COL6A5: variants seen among roughly 807,000 people sequenced by gnomAD.
The protein encoded by COL6A5 is collagen type VI alpha 5 chain.
COL6A5 carries 48 observed loss-of-function variants against 65.6 expected under a neutral mutation model. The observed-to-expected ratio is 0.73, with a 90% CI of 0.58 to 0.93. The LOEUF (loss-of-function observed/expected upper bound fraction) is 0.93, where lower values mean the gene tolerates loss of function less well. COL6A5 is among the 40% of genes least tolerant of loss of function. The pLI is 0.00. For missense variants in COL6A5, 914 were observed against 928.3 expected (o/e 0.98, Z 0.20); for synonymous variants, 291 against 322.8 (o/e 0.90, Z 1.05).
intron 1 of COL6A5, among the ~76,000 whole-genome samples, chr3:130,361,907 T>C (rs1364175291): frequency 6.6e-6 from 1 of 152,106 alleles, no homozygotes; most frequent in African/African-American, 2.4e-5. Context: ...TATTTTGTTT[T>C]CTTATTGTTG....
intron 8 of COL6A5, among the ~76,000 whole-genome samples, chr3:130,396,789 C>T (rs1315984501): frequency 6.6e-6 from 1 of 152,228 alleles, no homozygotes; most frequent in Non-Finnish European, 1.5e-5. Context: ...ATCTACCTGC[C>T]TTTGCAGCCA....
intron 4 of COL6A5, among the ~76,000 whole-genome samples, chr3:130,452,836 A>G (rs147692939): frequency 0.025 from 3,867 of 152,254 alleles, 181 homozygotes; most frequent in African/African-American, 0.086. Context: ...GAATACGGCC[A>G]CACCCAAGGG....
exon 3 of COL6A5, chr3:130,376,424 C>T: frequency 1.9e-6 from 3 of 1,613,122 alleles, no homozygotes; most frequent in Non-Finnish European, 2.5e-6. Context: ...TCCATCTGAG[C>T]ACCTTCAAAG....
exon 1 of COL6A5, chr3:130,345,734 G>T (rs1934437135): frequency 7.5e-6 from 3 of 398,626 alleles, no homozygotes; most frequent in Non-Finnish European, 1.3e-5. Flanking sequence ...CAAGGGCACG[G>T]GTCAGCGCCG....
At chr3:130,476,801 C>A (rs976011349) in intron 7 of COL6A5, 10 of 599,598 alleles carry the variant, frequency 1.7e-5, no homozygotes, top group Non-Finnish European at 3.1e-5. Flanking sequence ...TTATTTTCTC[C>A]AAAAGTTTTC....
At position 130,391,160 on chromosome 3, in the gene COL6A5, T is replaced by C. The variant is rs144166398; in HGVS notation, c.2417-19T>C. 2 of 1,530,600 alleles carry C rather than the reference T, an allele frequency of 1.3e-6. No individual in the cohort carries two copies. Among genetic ancestry groups the C allele is most frequent in the African/African-American group, 1.4e-5 (1 of 72,656 alleles). The allele number at this position is 1,530,600 out of a possible 1,614,324, so 94.8% of individuals were successfully genotyped here. Reference sequence around the variant, plus strand: ...TGCACTGCAGAAAGTTTGTGACTCCTGTTTTCATCTTCTTTCAGATTGTAA... The same window carrying C: ...TGCACTGCAGAAAGTTTGTGACTCCCGTTTTCATCTTCTTTCAGATTGTAA... On this transcript the variant is annotated intron_variant and NMD_transcript_variant, in intron 6 of 41. Transcript: ENST00000312481.
exon 7 of COL6A5, chr3:130,391,383 G>A (rs2107653382): frequency 6.4e-7 from 1 of 1,551,680 alleles, no homozygotes; most frequent in African/African-American, 1.4e-5. Flanking sequence ...TACTCGAACA[G>A]ATCAGCAATA....
chr3:130,406,618 T>A (rs1937002950), intron 17 of COL6A5, among the ~76,000 whole-genome samples: 1 of 152,178 alleles, frequency 6.6e-6, no homozygotes, highest in African/African-American at 2.4e-5. Flanking sequence ...GTTCATTTGT[T>A]TTTTACCACA....
At chr3:130,463,161 A>G (rs1464654480) in intron 5 of COL6A5, among the ~76,000 whole-genome samples, 1 of 152,144 alleles carries the variant, frequency 6.6e-6, no homozygotes, top group Non-Finnish European at 1.5e-5. Flanking sequence ...GCCAAAAGAA[A>G]GTACTGCTAA....
chr3:130,468,676 G>T, intron 5 of COL6A5, 119 bp from the exon 38 acceptor site: 1 of 686,944 alleles, frequency 1.5e-6, no homozygotes, highest in South Asian at 1.9e-5. Context: ...ATTGATGTCT[G>T]CCATGAGTAT....
chr3:130,460,674 T>G (rs1214278133), intron 5 of COL6A5, among the ~76,000 whole-genome samples: 1 of 151,810 alleles, frequency 6.6e-6, no homozygotes, highest in Non-Finnish European at 1.5e-5. Context: ...ATGGTAGTAG[T>G]GAAGATGATG....
exon 10 of COL6A5, chr3:130,398,044 T>C: frequency 6.4e-7 from 1 of 1,551,434 alleles, no homozygotes; most frequent in South Asian, 1.2e-5. Flanking sequence ...TGCTTATTTT[T>C]TCAGACGGTC....
At chr3:130,402,722 A>G (rs1371381045) in intron 12 of COL6A5, among the ~76,000 whole-genome samples, 1 of 152,212 alleles carries the variant, frequency 6.6e-6, no homozygotes, top group Non-Finnish European at 1.5e-5. Flanking sequence ...CTTGACCTGC[A>G]TGGTGGCTAC....
At chr3:130,370,204 T>G (rs1013605555) in intron 1 of COL6A5, among the ~76,000 whole-genome samples, 2 of 152,220 alleles carry the variant, frequency 1.3e-5, no homozygotes, top group South Asian at 4.1e-4. Flanking sequence ...ACCCCTACTA[T>G]TATATCTTAG....
chr3:130,458,810 C>T (rs1325912510), intron 5 of COL6A5, among the ~76,000 whole-genome samples: 1 of 152,164 alleles, frequency 6.6e-6, no homozygotes, highest in Non-Finnish European at 1.5e-5. Flanking sequence ...GAGATACTAA[C>T]AGGCTTTTTG....
chr3:130,456,687 A>G (rs145112054), intron 5 of COL6A5, among the ~76,000 whole-genome samples: 1,950 of 152,218 alleles, frequency 0.013, 51 homozygotes, highest in African/African-American at 0.044. Context: ...GGAATCTTCT[A>G]AAATGCTTGT....
At chr3:130,428,289 C>T (rs2107691042), upstream of COL6A5, among the ~76,000 whole-genome samples, 1 of 152,262 alleles carries the variant, frequency 6.6e-6, no homozygotes, top group South Asian at 2.1e-4. Context: ...AATGGCCTCA[C>T]TTAATAGCTG....
At chr3:130,371,216 A>G (rs1483105062) in intron 1 of COL6A5, among the ~76,000 whole-genome samples, 1 of 152,210 alleles carries the variant, frequency 6.6e-6, no homozygotes, top group African/African-American at 2.4e-5. Flanking sequence ...AATGGATTGT[A>G]AAACAATATT....
chr3:130,422,839 T>C, intron 28 of COL6A5, 57 bp downstream of exon 28: 1 of 1,087,784 alleles, frequency 9.2e-7, no homozygotes, highest in Non-Finnish European at 1.3e-6. Context: ...CTTTGGCTTT[T>C]ATGTTATAAT....
Sources: gnomAD v4.1 joint callset for allele counts (sites outside exome capture counted in the v4.1 genomes callset) on GRCh38, gnomAD v4.1.1 for gene constraint, MANE v1.5 for transcripts, NCBI Gene and HGNC (gene_info 2026-07-23, HGNC 2026-07-21) for gene names.